OPRPN: variants seen among roughly 807,000 people sequenced by gnomAD.
OPRPN encodes the protein basic proline-rich lacrimal protein.
Under a neutral mutation model 2.2 loss-of-function variants are expected in OPRPN, and 1 was observed. The observed-to-expected ratio is 0.45, with a 90% CI of 0.16 to 2.15. The LOEUF (loss-of-function observed/expected upper bound fraction) is 2.15. Among genes scored for constraint, OPRPN ranks in the 30% most tolerant of loss-of-function variants. The pLI is 0.28. For synonymous variants in OPRPN, 126 were observed against 111.5 expected (o/e 1.13, Z -0.82); for missense variants, 306 against 297.3 (o/e 1.03, Z -0.21).
chr4:70,405,379 C>T (rs934580146), intron 2 of OPRPN, among the ~76,000 whole-genome samples: 4 of 152,274 alleles, frequency 2.6e-5, no homozygotes, highest in African/African-American at 7.2e-5. Context: ...GATTTCTCCC[C>T]ACCTCTGCTT....
At chr4:70,407,021 C>CTG (rs1733104393) in intron 2 of OPRPN, among the ~76,000 whole-genome samples, 1 of 152,112 alleles carries the variant, frequency 6.6e-6, no homozygotes, top group East Asian at 1.9e-4. Flanking sequence ...CTTCTCATGG[C>CTG]AACCCTGCTT....
intron 2 of OPRPN, among the ~76,000 whole-genome samples, chr4:70,400,526 T>C (rs1732954959): frequency 1.3e-5 from 2 of 151,854 alleles, no homozygotes; most frequent in Admixed American, 6.6e-5. Context: ...AATGAACATT[T>C]CCAGACCTTA....
chr4:70,408,934 A>G (rs963621266), intron 2 of OPRPN, among the ~76,000 whole-genome samples: 3 of 152,228 alleles, frequency 2.0e-5, no homozygotes, highest in Non-Finnish European at 4.4e-5. Flanking sequence ...TGTTGCATGT[A>G]ATAGTTATAC....
At chr4:70,407,003 G>T (rs921554982) in intron 2 of OPRPN, among the ~76,000 whole-genome samples, 1 of 152,230 alleles carries the variant, frequency 6.6e-6, no homozygotes, top group Non-Finnish European at 1.5e-5. Context: ...CCTAAAAACC[G>T]GTCTTTGCTT....
At chr4:70,404,354 CAG>C (rs1396557869) in intron 2 of OPRPN, among the ~76,000 whole-genome samples, 1 of 152,172 alleles carries the variant, frequency 6.6e-6, no homozygotes, top group Non-Finnish European at 1.5e-5. Flanking sequence ...CTCTAAATGT[CAG>C]AGTCTCCCAG....
In OPRPN at chr4:70,409,399, T is replaced by C. The variant is rs1733162241; in HGVS notation, c.71T>C (p.Phe24Ser). 1.9e-6 allele frequency: 3 copies of C among 1,608,384 alleles called. No individual in the cohort carries two copies. Among genetic ancestry groups the C allele is most frequent in the African/African-American group, 1.3e-5 (1 of 74,618 alleles). ...SCFTPSESQR[F>S]SRRPYLPGQL... ...CCACAGCCCAGTGAGAGTCAAAGAT[T>C]CTCCAGAAGACCATATCTACCTGGC... The change falls in exon 3 of 3, where the codon TTC becomes TCC. Residue 24 changes from phenylalanine to serine, a missense_variant. Transcript: ENST00000399575.
chr4:70,399,180 T>C (rs769979302), intron 1 of OPRPN, 91 bp from the exon 2 acceptor site: 37 of 784,226 alleles, frequency 4.7e-5, no homozygotes, highest in Middle Eastern at 3.4e-4. Flanking sequence ...TCATTTTACA[T>C]AACAAGTGTT....
intron 2 of OPRPN, among the ~76,000 whole-genome samples, chr4:70,404,958 T>G (rs1271079648): frequency 6.6e-6 from 1 of 152,184 alleles, no homozygotes; most frequent in Non-Finnish European, 1.5e-5. Flanking sequence ...TAATCAAATT[T>G]AAATATAGGT....
rs762740998 is a variant in OPRPN, at chr4:70,409,988, T to C, written c.660T>C (p.Thr220=). The C allele has an allele frequency of 1.2e-6, 2 of 1,613,332 alleles. No individual in the cohort carries two copies. Among genetic ancestry groups the C allele is most frequent in the Admixed American group, 3.3e-5 (2 of 59,794 alleles). The change falls in exon 3 of 3, where the codon ACT becomes ACC. Residue 220 remains threonine, a synonymous_variant. Coordinates refer to ENST00000399575, the MANE Select transcript of OPRPN (RefSeq NM_021225.5). ...CTCACACAGTATTGCTCAATGCCAC[T>C]GTCCAAGTTACGACTTCCAACCAAA... ...NRPHTVLLNA[T]VQVTTSNQTI...
At chr4:70,409,329 A>G in intron 2 of OPRPN, 51 bp from the exon 3 acceptor site, 1 of 1,435,710 alleles carries the variant, frequency 7.0e-7, no homozygotes, top group Non-Finnish European at 9.5e-7. Flanking sequence ...TTGAACTTTA[A>G]ATGATCAAAT....
chr4:70,399,652 G>T (rs901574162), intron 2 of OPRPN: 1 of 188,820 alleles, frequency 5.3e-6, no homozygotes, highest in Non-Finnish European at 1.1e-5. Flanking sequence ...CAAATTGTCA[G>T]AAAAATATAA....
Position 70,398,031 on chromosome 4 carries a change from T to G in OPRPN, c.-25T>G, listed in dbSNP as rs1732898764. On this transcript the variant is annotated 5_prime_UTR_variant, in exon 1 of 3. Coordinates refer to ENST00000399575, the MANE Select transcript of OPRPN (RefSeq NM_021225.5). ...CAGTAATTTGTTCCAAAGAAGAATC[T>G]TCTACCAAGGTAGGTATATAGAAAT... 6.6e-6 allele frequency: 1 copy of G among 151,966 alleles called. No individual in the cohort carries two copies. The highest frequency in any genetic ancestry group is 6.6e-5 in the Admixed American group (1 of 15,178). 9.4% of individuals were successfully genotyped at this position (151,966 alleles called of 1,614,324 possible).
At chr4:70,407,052 C>T (rs1425393043) in intron 2 of OPRPN, among the ~76,000 whole-genome samples, 1 of 152,148 alleles carries the variant, frequency 6.6e-6, no homozygotes, top group Non-Finnish European at 1.5e-5. Context: ...TGTTCCCTCC[C>T]TGAGATGTGC....
intron 2 of OPRPN, 130 bp from the exon 3 acceptor site, chr4:70,409,250 A>C (rs1200325783): frequency 2.9e-6 from 2 of 680,922 alleles, no homozygotes; most frequent in East Asian, 6.0e-5. Flanking sequence ...AGTGAAATAC[A>C]TGACTTATGG....
intron 2 of OPRPN, among the ~76,000 whole-genome samples, chr4:70,408,427 C>CA (rs1328549356): frequency 6.6e-6 from 1 of 152,092 alleles, no homozygotes; most frequent in Non-Finnish European, 1.5e-5. Flanking sequence ...CTCTACATGG[C>CA]AATTAGTCCT....
Position 70,409,403 on chromosome 4 carries a change from C to G in OPRPN, c.75C>G (p.Ser25=), listed in dbSNP as rs970885607. 1.9e-6 allele frequency: 3 copies of G among 1,611,334 alleles called. No homozygotes were observed. The highest frequency in any genetic ancestry group is 2.5e-6 in the Non-Finnish European group (3 of 1,178,396). ...CFTPSESQRF[S]RRPYLPGQLP... is the part of the protein sequence containing the mutation. ...AGCCCAGTGAGAGTCAAAGATTCTC[C>G]AGAAGACCATATCTACCTGGCCAGC... The change falls in exon 3 of 3, where the codon TCC becomes TCG. Residue 25 remains serine, a synonymous_variant. Transcript: ENST00000399575.
rs746955278 is a variant in OPRPN, at chr4:70,409,439, T to C, written c.111T>C (p.Pro37=). ...RPYLPGQLPP[P]PLYRPRWVPP... The stretch of plus-strand genomic sequence containing the variant: ...ATCTACCTGGCCAGCTGCCACCACC[T>C]CCACTCTACAGGCCAAGATGGGTTC... The change falls in exon 3 of 3, where the codon CCT becomes CCC. Residue 37 remains proline (P), a synonymous_variant. Transcript: ENST00000399575. The C allele has an allele frequency of 6.2e-7, 1 of 1,613,994 alleles. No individual in the cohort carries two copies. Among genetic ancestry groups the C allele is most frequent in the East Asian group, 2.2e-5 (1 of 44,856 alleles).
At chr4:70,407,901 C>T (rs868460715) in intron 2 of OPRPN, among the ~76,000 whole-genome samples, 6 of 152,104 alleles carry the variant, frequency 3.9e-5, no homozygotes, top group East Asian at 1.9e-4. Flanking sequence ...GAAGTTCTCA[C>T]GTATCATGGC....
At chr4:70,405,894 T>C (rs1387963) in intron 2 of OPRPN, among the ~76,000 whole-genome samples, 19,112 of 148,964 alleles carry the variant, frequency 0.13, 1,938 homozygotes, top group African/African-American at 0.28. Context: ...CAAGACCCCA[T>C]ATCCACAAAA....
Sources: allele counts gnomAD v4.1 joint callset (sites outside exome capture counted in the v4.1 genomes callset), GRCh38; gene constraint gnomAD v4.1.1; transcripts MANE v1.5; gene names NCBI Gene and HGNC (gene_info 2026-07-23, HGNC 2026-07-21).